TMEM165: variants seen among roughly 807,000 people sequenced by gnomAD.
TMEM165 encodes transmembrane protein 165.
Under a neutral mutation model 30.0 loss-of-function variants are expected in TMEM165, and 19 were observed. The ratio of observed to expected loss-of-function variants is 0.63; its 90% CI spans 0.44 to 0.93. The LOEUF (loss-of-function observed/expected upper bound fraction) is 0.93, where lower values mean the gene tolerates loss of function less well. TMEM165 is among the 40% of genes least tolerant of loss of function. The pLI is 0.00. For missense variants in TMEM165, 340 were observed against 417.0 expected (o/e 0.82, Z 1.61); for synonymous variants, 168 against 162.9 (o/e 1.03, Z -0.24).
intron 1 of TMEM165, among the ~76,000 whole-genome samples, chr4:55,403,502 T>C (rs1721129487): frequency 6.7e-6 from 1 of 148,386 alleles, no homozygotes; most frequent in Non-Finnish European, 1.5e-5. Flanking sequence ...CTTTTTCTTT[T>C]TTTTTTTTTT....
intron 1 of TMEM165, among the ~76,000 whole-genome samples, chr4:55,409,349 C>T (rs1721392257): frequency 1.3e-5 from 2 of 152,090 alleles, no homozygotes; most frequent in Admixed American, 1.3e-4. Flanking sequence ...GTGACTAGGG[C>T]CTTTGTAATA....
rs1721514547 is a variant in TMEM165, at chr4:55,411,857, T to G, written c.433+18T>G. 2.5e-6 allele frequency: 4 copies of G among 1,609,846 alleles called. No individual in the cohort carries two copies. The highest frequency in any genetic ancestry group is 8.5e-7 in the Non-Finnish European group (1 of 1,176,254). On this transcript the variant is annotated intron_variant, in intron 2 of 5. Coordinates refer to ENST00000381334, the MANE Select transcript of TMEM165 (RefSeq NM_018475.5). ...CTTGTCAGGTGAGTGTGCTTTTCCC[T>G]CTCATGAGTTCGCTGAATTAAAGGG...
rs78851924 is a variant in TMEM165 at position 55,448,423 on chromosome 4, G to A, written c.409-3816G>A. Among the ~76,000 whole-genome samples the A allele has an allele frequency of 2.3e-3, 355 of 152,162 alleles. 1 individual carries two copies. Among genetic ancestry groups the A allele is most frequent in the East Asian group, 0.019 (96 of 5,186 alleles). On this transcript the variant is annotated intron_variant, in intron 3 of 3. Transcript: ENST00000608091. The stretch of plus-strand genomic sequence containing the variant: ...ATTAGGCAGGACAATTCTTTGTTGT[G>A]CAAGACTCTTATGCATCCTGAAAGA...
intron 1 of TMEM165, among the ~76,000 whole-genome samples, chr4:55,400,014 T>TC (rs1358072987): frequency 7.4e-6 from 1 of 136,046 alleles, no homozygotes; most frequent in East Asian, 2.1e-4. Flanking sequence ...CTTTTCTTCC[T>TC]TTTTTTTTTT....
At chr4:55,410,882 C>T (rs377350249) in intron 1 of TMEM165, among the ~76,000 whole-genome samples, 52 of 152,150 alleles carry the variant, frequency 3.4e-4, no homozygotes, top group African/African-American at 1.2e-3. Context: ...CCTGTAATCT[C>T]AGCACTTTGG....
chr4:55,442,695 G>T, intron 3 of TMEM165: 2 of 1,378,482 alleles, frequency 1.5e-6, no homozygotes, highest in Non-Finnish European at 2.0e-6. Flanking sequence ...TGGGAAGTAT[G>T]CTAGAATTCA....
At chr4:55,444,623 T>C (rs745698998) in intron 3 of TMEM165, 3 of 1,614,034 alleles carry the variant, frequency 1.9e-6, no homozygotes, top group Non-Finnish European at 2.5e-6. Context: ...TATTCAAATA[T>C]AACAATTACC....
downstream of TMEM165, among the ~76,000 whole-genome samples, chr4:55,427,635 G>A (rs551467041): frequency 1.3e-5 from 2 of 152,234 alleles, no homozygotes; most frequent in East Asian, 1.9e-4. Context: ...GTGAGCCACC[G>A]CACCCAACCG....
downstream of TMEM165, chr4:55,427,755 A>ATG (rs1436624592): frequency 1.3e-5 from 2 of 152,238 alleles, no homozygotes; most frequent in African/African-American, 4.8e-5. Context: ...TCATATGCGA[A>ATG]TAAGAACAGC....
At chr4:55,443,506 A>G (rs911257096) in intron 3 of TMEM165, among the ~76,000 whole-genome samples, 1 of 152,126 alleles carries the variant, frequency 6.6e-6, no homozygotes, top group East Asian at 1.9e-4. Context: ...AAAAGCTGAA[A>G]ATATTTGATA....
intron 4 of TMEM165, among the ~76,000 whole-genome samples, chr4:55,422,459 T>C (rs1412861749): frequency 1.3e-5 from 2 of 152,136 alleles, no homozygotes; most frequent in Non-Finnish European, 2.9e-5. Flanking sequence ...GGTTTCACCA[T>C]GTTGTCCAGG....
chr4:55,453,047 A>C, exon 4 of TMEM165: 1 of 1,598,078 alleles, frequency 6.3e-7, no homozygotes, highest in Non-Finnish European at 8.6e-7. Flanking sequence ...AATTATAAGA[A>C]ACATACTTTG....
At chr4:55,423,567 T>C (rs1292458693) in intron 4 of TMEM165, 1 of 152,308 alleles carries the variant, frequency 6.6e-6, no homozygotes, top group Admixed American at 6.5e-5. Flanking sequence ...GGACCACTTG[T>C]GCTTGCTAGG....
At chr4:55,404,971 A>G (rs972445536) in intron 1 of TMEM165, among the ~76,000 whole-genome samples, 7 of 152,118 alleles carry the variant, frequency 4.6e-5, no homozygotes, top group Non-Finnish European at 8.8e-5. Flanking sequence ...GCATCTAGTT[A>G]GTAGCGCACC....
intron 1 of TMEM165, chr4:55,398,890 AAC>A (rs1280574225): frequency 4.8e-4 from 14 of 28,964 alleles, no homozygotes; most frequent in South Asian, 8.6e-3. Flanking sequence ...AAAAAAAAAC[AAC>A]AACCCGATTT....
At chr4:55,450,701 G>A (rs867745599) in intron 3 of TMEM165, among the ~76,000 whole-genome samples, 1 of 152,008 alleles carries the variant, frequency 6.6e-6, no homozygotes, top group Non-Finnish European at 1.5e-5. Flanking sequence ...CTGAGGAGGC[G>A]GAGGATGTAG....
chr4:55,402,217 AAT>A (rs1721027435), intron 1 of TMEM165, among the ~76,000 whole-genome samples: 1 of 147,302 alleles, frequency 6.8e-6, no homozygotes, highest in South Asian at 2.1e-4. Context: ...TAAAACAAAA[AAT>A]AATTTTATTA....
chr4:55,448,775 G>T (rs748526006), intron 3 of TMEM165: 2 of 1,612,390 alleles, frequency 1.2e-6, no homozygotes, highest in South Asian at 1.1e-5. Flanking sequence ...AAACCAAAAA[G>T]TACCTGGGAC....
In TMEM165 at chr4:55,395,969, G is replaced by A. The variant is rs1318848489; in HGVS notation, c.-221G>A. ...GAGGCAGCTGGCTGACTCCAGTTTAGCCGCCGCCGGAGAGGACGGGCGCCG... is the reference window on the plus strand; with the variant it reads ...GAGGCAGCTGGCTGACTCCAGTTTAACCGCCGCCGGAGAGGACGGGCGCCG... On this transcript the variant is annotated 5_prime_UTR_variant, in exon 1 of 6. Transcript: ENST00000381334. The A allele has an allele frequency of 5.3e-6, 2 of 375,940 alleles. No homozygotes were observed. The highest frequency in any genetic ancestry group is 9.3e-6 in the Non-Finnish European group (2 of 215,518). 23.3% of individuals were successfully genotyped at this position (375,940 alleles called of 1,614,324 possible).
Sources: allele counts gnomAD v4.1 joint callset (sites outside exome capture counted in the v4.1 genomes callset), GRCh38; gene constraint gnomAD v4.1.1; transcripts MANE v1.5; gene names NCBI Gene and HGNC (gene_info 2026-07-23, HGNC 2026-07-21).